The following COL6A2 variants were observed in gnomAD, a reference collection of about 807,000 sequenced individuals.
COL6A2 encodes collagen type VI alpha 2 chain.
COL6A2 carries 90 observed loss-of-function variants against 124.9 expected under a neutral mutation model. The observed-to-expected ratio is 0.72, with a 90% confidence interval of 0.61 to 0.86. The LOEUF is 0.86. COL6A2 is among the 40% of genes least tolerant of loss of function. COL6A2 has a pLI of 0.00. For missense variants in COL6A2, 1,607 were observed against 1,502.5 expected, an observed-to-expected ratio of 1.07 and a Z score of -1.15; for synonymous variants, 793 against 618.2, an observed-to-expected ratio of 1.28 and a Z score of -4.19.
intron 2 of COL6A2, 73 bp downstream of exon 2, chr21:46,111,664 T>C (rs1380615416): frequency 3.1e-6 from 1 of 323,658 alleles, no homozygotes; most frequent in Non-Finnish European, 5.6e-6. Flanking sequence ...GTGCCAGGGG[T>C]CGGGGGCCGG....
intron 4 of COL6A2, among the ~76,000 whole-genome samples, chr21:46,113,123 G>T (rs992703605): frequency 6.6e-6 from 1 of 152,164 alleles, no homozygotes; most frequent in Admixed American, 6.5e-5. Flanking sequence ...CTCGAGGCCC[G>T]AGCCCAGCCC....
intron 18 of COL6A2, 88 bp from the exon 19 acceptor site, chr21:46,122,020 C>T (rs981664879): frequency 2.9e-6 from 4 of 1,389,856 alleles, no homozygotes; most frequent in Non-Finnish European, 4.1e-6. Context: ...ACTTCCACCC[C>T]AGTGTGCACC....
chr21:46,114,195 G>A (rs556618111), intron 5 of COL6A2, 122 bp downstream of exon 5: 2 of 793,874 alleles, frequency 2.5e-6, no homozygotes, highest in African/African-American at 3.4e-5. Context: ...GGGAGGCCGA[G>A]GCGGGCGGAT....
intron 17 of COL6A2, 126 bp from the exon 18 acceptor site, chr21:46,121,430 A>C (rs2078564281): frequency 2.1e-6 from 2 of 932,876 alleles, no homozygotes; most frequent in East Asian, 2.6e-5. Flanking sequence ...CACGGCCCCC[A>C]CAGGCAGCAG....
intron 13 of COL6A2, 89 bp downstream of exon 13, chr21:46,118,765 G>A (rs952836076): frequency 2.1e-6 from 3 of 1,450,952 alleles, no homozygotes; most frequent in Non-Finnish European, 2.9e-6. Context: ...CACCATCTCT[G>A]CTGTCACCAT....
intron 21 of COL6A2, among the ~76,000 whole-genome samples, chr21:46,124,224 G>C (rs989513550): frequency 2.7e-5 from 4 of 150,354 alleles, no homozygotes; most frequent in Admixed American, 2.6e-4. Flanking sequence ...GTGGATGGAT[G>C]ATGGATGGGT....
At chr21:46,108,820 G>C (rs1260807402) in intron 1 of COL6A2, among the ~76,000 whole-genome samples, 1 of 152,138 alleles carries the variant, frequency 6.6e-6, no homozygotes, top group African/African-American at 2.4e-5. Flanking sequence ...TTTTTAGGGT[G>C]TCACTTTTCT....
chr21:46,113,450 C>T (rs1341125814), intron 4 of COL6A2, among the ~76,000 whole-genome samples: 1 of 151,766 alleles, frequency 6.6e-6, no homozygotes, highest in Non-Finnish European at 1.5e-5. Flanking sequence ...GATCACGGCT[C>T]ACTGCAGCCT....
chr21:46,125,592 C>G lies in COL6A2; in HGVS notation c.1944C>G (p.Ile648Met). 3 of 1,612,522 alleles carry G rather than the reference C, an allele frequency of 1.9e-6. No individual in the cohort carries two copies. Among genetic ancestry groups the G allele is most frequent in the Non-Finnish European group, 1.7e-6 (2 of 1,179,874 alleles). The part of the protein sequence containing the change: ...VINVVNRLGA[I>M]AKDPKSETGT... ...ACGTGGTCAACAGGCTGGGTGCCAT[C>G]GCTAAGGACCCCAAGTCCGAGACAG... Residue 648 changes from isoleucine (I) to methionine (M), a missense_variant, in exon 25 of 28, where the codon ATC becomes ATG. Physicochemically the swap from Ile to Met is conservative, Grantham distance 10. This residue lies in a region of COL6A2 where 1,223 missense variants were observed against 1,052.2 expected (regional missense o/e 1.16). Transcript: ENST00000300527.
intron 13 of COL6A2, 145 bp downstream of exon 13, chr21:46,118,821 A>G: frequency 8.9e-7 from 1 of 1,119,636 alleles, no homozygotes; most frequent in Non-Finnish European, 1.3e-6. Context: ...CAGGAAGAAC[A>G]GGCCATGTGC....
chr21:46,121,421 A>G (rs1362611203), intron 17 of COL6A2, 135 bp from the exon 18 acceptor site: 1 of 878,494 alleles, frequency 1.1e-6, no homozygotes, highest in Admixed American at 2.0e-5. Flanking sequence ...ACAGAGGTCC[A>G]CGGCCCCCAC....
At position 46,116,841 on chromosome 21, in the gene COL6A2, G is replaced by A. The variant is rs891747332; in HGVS notation, c.999+27G>A. 6.2e-7 allele frequency: 1 copy of A among 1,612,286 alleles called. No homozygotes were observed. The highest frequency in any genetic ancestry group is 8.5e-7 in the Non-Finnish European group (1 of 1,179,732). ...TAGAGGGAGCCTCGGGCTCACAGCT[G>A]GACTGGTCTCACAGAGGCATCCCAG... On this transcript the variant is annotated intron_variant, in intron 10 of 27. Transcript: ENST00000300527. This position sits in a 1 kb window ranked among gnomAD's most constrained non-coding sequence, Gnocchi z 4.6.
At chr21:46,127,140 C>T (rs1414172400) in intron 27 of COL6A2, among the ~76,000 whole-genome samples, 3 of 152,010 alleles carry the variant, frequency 2.0e-5, no homozygotes, top group African/African-American at 7.3e-5. Flanking sequence ...CTGCACCGTA[C>T]CTGGGCCCAC....
At chr21:46,131,918 C>T in intron 27 of COL6A2, 36 bp from the exon 28 acceptor site, 1 of 1,546,570 alleles carries the variant, frequency 6.5e-7, no homozygotes, top group African/African-American at 1.4e-5. Flanking sequence ...CTGCCCACCT[C>T]CCCTCCGCCC....
chr21:46,112,678 C>T (rs1029043038), intron 3 of COL6A2, 101 bp downstream of exon 3: 65 of 1,594,348 alleles, frequency 4.1e-5, no homozygotes, highest in South Asian at 2.2e-4. Flanking sequence ...GTGCGGAGGC[C>T]GAAGGAGGAA....
intron 27 of COL6A2, chr21:46,129,141 T>G: frequency 6.2e-7 from 1 of 1,610,664 alleles, no homozygotes; most frequent in South Asian, 1.1e-5. Flanking sequence ...GAGGAGGAGC[T>G]CTAGGCCGAC....
At chr21:46,112,911 C>T in intron 4 of COL6A2, 87 bp downstream of exon 4, 1 of 1,558,870 alleles carries the variant, frequency 6.4e-7, no homozygotes, top group Non-Finnish European at 8.8e-7. Flanking sequence ...CCTGGCGCCT[C>T]CAGGCTGGAA....
At position 46,114,162 on chromosome 21, in the gene COL6A2, C is replaced by A. The variant is rs1455774597; in HGVS notation, c.801+89C>A. ...CCACACTTGGCCGGGCGTGGTGGCTCATACCTGTAATCCCAGCACTTTGGG... is the reference window on the plus strand; with the variant it reads ...CCACACTTGGCCGGGCGTGGTGGCTAATACCTGTAATCCCAGCACTTTGGG... On this transcript the variant is annotated intron_variant, in intron 5 of 27. Transcript: ENST00000300527. The A allele has an allele frequency of 9.0e-6, 10 of 1,116,754 alleles. No homozygotes were observed. The East Asian group carries it at 2.4e-4, about 26-fold the overall frequency. 69.2% of individuals were successfully genotyped at this position (1,116,754 alleles called of 1,614,324 possible). A position where few individuals can be genotyped will look rare whatever the true frequency, so the allele number is the denominator to read the frequency against.
chr21:46,100,878 C>T (rs749002732), intron 1 of COL6A2, among the ~76,000 whole-genome samples: 39 of 152,222 alleles, frequency 2.6e-4, no homozygotes, highest in Non-Finnish European at 4.8e-4. Flanking sequence ...ACAGATACCT[C>T]TTGGAGATCC....
Sources: allele counts gnomAD v4.1 joint callset (sites outside exome capture counted in the v4.1 genomes callset), GRCh38; gene constraint gnomAD v4.1.1; regional missense constraint gnomAD v4.1.1; non-coding constraint Gnocchi (gnomAD v3.1); transcripts MANE v1.5; gene names NCBI Gene and HGNC (gene_info 2026-07-23, HGNC 2026-07-21).